The following GIPC2 variants were observed in gnomAD, a reference collection of about 807,000 sequenced individuals.
GIPC2 encodes PDZ domain-containing protein GIPC2.
In GIPC2, 30 loss-of-function variants were observed where a neutral mutation model predicts 30.6. That is an observed-to-expected ratio of 0.98 (90% confidence interval 0.73 to 1.33). The LOEUF is 1.33. Ranked by LOEUF, GIPC2 falls within the 40% of genes most tolerant of loss-of-function variation. GIPC2 has a pLI of 0.00. For synonymous variants in GIPC2, 167 were observed against 150.0 expected (o/e 1.11, Z -0.83); for missense variants, 414 against 390.3 (o/e 1.06, Z -0.51).
intron 5 of GIPC2, 58 bp from the exon 6 acceptor site, chr1:78,135,534 T>C: frequency 9.7e-7 from 1 of 1,030,568 alleles, no homozygotes; most frequent in Non-Finnish European, 1.4e-6. Context: ...TTGCCATTTT[T>C]CTCAGTCCTT....
chr1:78,079,177 A>G (rs899426025), intron 1 of GIPC2, among the ~76,000 whole-genome samples: 2 of 152,202 alleles, frequency 1.3e-5, no homozygotes, highest in African/African-American at 4.8e-5. Context: ...AAGGCTCAAC[A>G]AAGACTGGGA....
intron 1 of GIPC2, among the ~76,000 whole-genome samples, chr1:78,065,530 A>AT (rs1470929964): frequency 7.2e-6 from 1 of 138,434 alleles, no homozygotes; most frequent in Non-Finnish European, 1.6e-5. Context: ...TCTTCACAGA[A>AT]TTAAAAAAAA....
chr1:78,046,466 G>A (rs1182808492), intron 1 of GIPC2, 132 bp downstream of exon 1: 3 of 791,962 alleles, frequency 3.8e-6, no homozygotes, highest in Middle Eastern at 3.5e-4. Context: ...TGAGTCCGCC[G>A]GGGGCGTCCC....
intron 2 of GIPC2, chr1:78,092,936 A>G (rs746829884): frequency 9.9e-5 from 15 of 152,154 alleles, no homozygotes; most frequent in Non-Finnish European, 2.1e-4. Flanking sequence ...GCAACCCTAG[A>G]TTTCTGTTAC....
intron 3 of GIPC2, among the ~76,000 whole-genome samples, chr1:78,115,915 C>T (rs918955559): frequency 1.3e-5 from 2 of 152,214 alleles, no homozygotes; most frequent in African/African-American, 4.8e-5. Flanking sequence ...TCCTTAATCA[C>T]TTTGGCATAG....
chr1:78,072,252 C>T (rs1028975168), intron 1 of GIPC2, among the ~76,000 whole-genome samples: 7 of 152,200 alleles, frequency 4.6e-5, no homozygotes, highest in African/African-American at 1.7e-4. Flanking sequence ...AAAGTCCTTG[C>T]TGACCTTCCT....
chr1:78,085,897 G>GTTTTT (rs35412467), intron 2 of GIPC2, among the ~76,000 whole-genome samples: 8 of 120,300 alleles, frequency 6.7e-5, no homozygotes, highest in Non-Finnish European at 1.2e-4. Flanking sequence ...TCTTTTGAAT[G>GTTTTT]TTTTTTTTTT....
intron 3 of GIPC2, among the ~76,000 whole-genome samples, chr1:78,110,949 G>A (rs1557546262): frequency 6.6e-6 from 1 of 152,198 alleles, no homozygotes; most frequent in Non-Finnish European, 1.5e-5. Context: ...ATTCAGATCA[G>A]CTCTGGGAAC....
intron 4 of GIPC2, among the ~76,000 whole-genome samples, chr1:78,119,797 G>A (rs1054422251): frequency 1.3e-4 from 20 of 152,124 alleles, no homozygotes; most frequent in African/African-American, 4.3e-4. Context: ...AGAGCCACCT[G>A]TAGGAGTAAA....
chr1:78,121,593 A>G (rs911095767), intron 4 of GIPC2, among the ~76,000 whole-genome samples: 3 of 152,086 alleles, frequency 2.0e-5, no homozygotes, highest in Non-Finnish European at 4.4e-5. Context: ...GATCTAGAGG[A>G]AGATCCTGAG....
chr1:78,125,984 A>T, intron 5 of GIPC2, 22 bp downstream of exon 5: 1 of 1,106,816 alleles, frequency 9.0e-7, no homozygotes, highest in Non-Finnish European at 1.4e-6. Flanking sequence ...CTATTTAAAA[A>T]AGTCTTATAT....
chr1:78,074,879 G>A (rs1463101310), intron 1 of GIPC2, among the ~76,000 whole-genome samples: 1 of 152,140 alleles, frequency 6.6e-6, no homozygotes. Flanking sequence ...AATTCACCAT[G>A]TACTTTAGAT....
chr1:78,094,560 A>T (rs948019695), intron 2 of GIPC2, among the ~76,000 whole-genome samples: 4 of 152,148 alleles, frequency 2.6e-5, no homozygotes, highest in Non-Finnish European at 5.9e-5. Flanking sequence ...GAAGCATGAG[A>T]GTGGCACCTT....
chr1:78,116,691 G>T (rs1191545732), intron 3 of GIPC2, among the ~76,000 whole-genome samples: 21 of 152,238 alleles, frequency 1.4e-4, no homozygotes, highest in Middle Eastern at 3.4e-3. Flanking sequence ...GAACTCATCA[G>T]TTTTTATGGC....
rs992865092 is a variant in GIPC2, at chr1:78,136,687, A to G, written c.*944A>G. 4.0e-5 allele frequency: 6 copies of G among 150,492 alleles called. No individual in the cohort carries two copies. The highest frequency in any genetic ancestry group is 7.3e-5 in the African/African-American group (3 of 40,846). The allele number at this position is 150,492 out of a possible 1,614,324, so 9.3% of individuals were successfully genotyped here. ...CTTTAGAAGAAATGCTATCAGAAAT[A>G]GATTTCCTTCCAGTGGAAAGAAAGG... On this transcript the variant is annotated 3_prime_UTR_variant, in exon 6 of 6. Transcript: ENST00000370759.
At chr1:78,068,810 C>T (rs942647301) in intron 1 of GIPC2, among the ~76,000 whole-genome samples, 3 of 152,170 alleles carry the variant, frequency 2.0e-5, no homozygotes, top group Admixed American at 6.5e-5. Context: ...TATGTGTGCT[C>T]ATAAAAATAG....
chr1:78,076,502 T>A (rs1164297888), intron 1 of GIPC2, among the ~76,000 whole-genome samples: 1 of 152,196 alleles, frequency 6.6e-6, no homozygotes, highest in Non-Finnish European at 1.5e-5. Context: ...CATTAGATTA[T>A]CATAAGGTGC....
chr1:78,052,804 G>T (rs987463197), intron 1 of GIPC2, among the ~76,000 whole-genome samples: 10 of 152,160 alleles, frequency 6.6e-5, no homozygotes, highest in African/African-American at 2.4e-4. Context: ...AGGCTTCCCA[G>T]AAGCTGCTTC....
At chr1:78,095,884 C>T (rs559911163) in intron 3 of GIPC2, among the ~76,000 whole-genome samples, 72 of 152,268 alleles carry the variant, frequency 4.7e-4, no homozygotes, top group Admixed American at 6.5e-4. Context: ...ATGTTCTTTC[C>T]TTTGTTCACA....
Sources: allele counts gnomAD v4.1 joint callset (sites outside exome capture counted in the v4.1 genomes callset), GRCh38; gene constraint gnomAD v4.1.1; transcripts MANE v1.5; gene names NCBI Gene and HGNC (gene_info 2026-07-23, HGNC 2026-07-21).